Variants in ZNF385D observed in about 807,000 individuals in gnomAD.
ZNF385D encodes the protein zinc finger protein 659.
ZNF385D carries 15 observed loss-of-function variants against 35.8 expected under a neutral mutation model. That is an observed-to-expected ratio of 0.42 (90% CI 0.28 to 0.64). The LOEUF is 0.64. Ranked by LOEUF, ZNF385D falls within the 30% of genes least tolerant of loss-of-function variation. The pLI is 0.23. For synonymous variants in ZNF385D, 212 were observed against 186.8 expected (o/e 1.13, Z -1.10); for missense variants, 474 against 494.6 (o/e 0.96, Z 0.39).
chr3:22,190,577 G>A (rs1262811796), intron 2 of ZNF385D, among the ~76,000 whole-genome samples: 1 of 152,126 alleles, frequency 6.6e-6, no homozygotes, highest in South Asian at 2.1e-4. Context: ...GAAGGACAAG[G>A]TTATATAAAT....
chr3:22,036,863 T>TC (rs1208009942), intron 3 of ZNF385D, among the ~76,000 whole-genome samples: 1 of 53,492 alleles, frequency 1.9e-5, no homozygotes, highest in Non-Finnish European at 3.5e-5. Flanking sequence ...CCCTCCCCCC[T>TC]CCCCCCACCC....
chr3:22,137,287 T>C (rs1030904823), intron 3 of ZNF385D, among the ~76,000 whole-genome samples: 6 of 152,152 alleles, frequency 3.9e-5, no homozygotes, highest in South Asian at 2.1e-4. Flanking sequence ...TTCCAATCAA[T>C]AGAAAACGAG....
At chr3:21,920,516 A>G (rs549371797) in intron 3 of ZNF385D, among the ~76,000 whole-genome samples, 1 of 151,938 alleles carries the variant, frequency 6.6e-6, no homozygotes, top group Non-Finnish European at 1.5e-5. Flanking sequence ...TACAGATAGA[A>G]AGCTGTGAGT....
At chr3:22,038,943 A>T (rs1458272156) in intron 3 of ZNF385D, among the ~76,000 whole-genome samples, 1 of 150,446 alleles carries the variant, frequency 6.6e-6, no homozygotes, top group African/African-American at 2.4e-5. Flanking sequence ...AATAAATATG[A>T]TCAGGCATGA....
At chr3:21,895,233 TA>T (rs1201824758) in intron 3 of ZNF385D, among the ~76,000 whole-genome samples, 1 of 150,800 alleles carries the variant, frequency 6.6e-6, no homozygotes, top group African/African-American at 2.4e-5. Flanking sequence ...TTCAAAAAGA[TA>T]GGAGTCAGAA....
At chr3:22,114,946 C>T (rs962441146) in intron 3 of ZNF385D, among the ~76,000 whole-genome samples, 22 of 152,002 alleles carry the variant, frequency 1.4e-4, no homozygotes, top group Admixed American at 2.0e-4. Flanking sequence ...AGGGCCTCAA[C>T]AGACACTAAA....
At chr3:22,038,408 A>T (rs1293655365) in intron 3 of ZNF385D, among the ~76,000 whole-genome samples, 2 of 152,156 alleles carry the variant, frequency 1.3e-5, no homozygotes, top group East Asian at 3.9e-4. Flanking sequence ...TCTTGGCCTC[A>T]GTTACTTCAG....
chr3:21,630,386 G>T (rs1299085508), intron 2 of ZNF385D, among the ~76,000 whole-genome samples: 1 of 151,916 alleles, frequency 6.6e-6, no homozygotes, highest in African/African-American at 2.4e-5. Flanking sequence ...TGTATTTTTA[G>T]TAGAGACGGG....
intron 3 of ZNF385D, among the ~76,000 whole-genome samples, chr3:22,137,137 T>C (rs6776010): frequency 0.5 from 75,941 of 151,936 alleles, 19,613 homozygotes; most frequent in East Asian, 0.81. Flanking sequence ...GTATATAAGA[T>C]CTTTCTGTGT....
chr3:21,678,772 ATGATTC>A (rs2066808383), intron 1 of ZNF385D, among the ~76,000 whole-genome samples: 1 of 152,086 alleles, frequency 6.6e-6, no homozygotes, highest in Non-Finnish European at 1.5e-5. Context: ...ATTTTCCTGA[ATGATTC>A]TGATCTGTAC....
At chr3:21,701,566 C>A (rs1471412417) in intron 1 of ZNF385D, among the ~76,000 whole-genome samples, 1 of 152,120 alleles carries the variant, frequency 6.6e-6, no homozygotes, top group Non-Finnish European at 1.5e-5. Context: ...ACCAATCATG[C>A]CTTCCCAACA....
At chr3:22,335,558 T>A (rs1390440199) in intron 2 of ZNF385D, among the ~76,000 whole-genome samples, 1 of 152,158 alleles carries the variant, frequency 6.6e-6, no homozygotes, top group East Asian at 1.9e-4. Flanking sequence ...TTGAATACCC[T>A]CTTACAGAAA....
At chr3:21,734,343 T>C (rs868731036) in intron 1 of ZNF385D, among the ~76,000 whole-genome samples, 8 of 144,386 alleles carry the variant, frequency 5.5e-5, no homozygotes, top group Admixed American at 1.5e-4. Context: ...AATAATTACT[T>C]TTTGTAAAGA....
Position 21,452,680 on chromosome 3 carries a change from C to G in ZNF385D, c.440-15477G>C, listed in dbSNP as rs527618967. Reference sequence around the variant, plus strand: ...AAGTGTAAGACTTGTATACTGAAAACTATAAAACAATGTTGGAAAAAAATA... The same window carrying G: ...AAGTGTAAGACTTGTATACTGAAAAGTATAAAACAATGTTGGAAAAAAATA... On this transcript the variant is annotated intron_variant, in intron 4 of 7. Coordinates refer to ENST00000281523, the MANE Select transcript of ZNF385D (RefSeq NM_024697.3). Among the ~76,000 whole-genome samples the G allele has an allele frequency of 2.2e-4, 33 of 151,910 alleles. 2 individuals are homozygous for G. In the South Asian group the frequency reaches 6.0e-3, roughly 28 times the overall value.
chr3:21,794,470 G>A (rs1224914095), intron 3 of ZNF385D, among the ~76,000 whole-genome samples: 1 of 151,936 alleles, frequency 6.6e-6, no homozygotes. Flanking sequence ...CCATAGACTG[G>A]GTAGCTTATA....
chr3:22,027,167 T>C (rs575307156), intron 3 of ZNF385D, among the ~76,000 whole-genome samples: 1 of 152,330 alleles, frequency 6.6e-6, no homozygotes, highest in Admixed American at 6.5e-5. Flanking sequence ...GAAGGATAAG[T>C]TGCTGCATTT....
chr3:21,982,097 T>TTTA (rs1553712680), intron 3 of ZNF385D, among the ~76,000 whole-genome samples: 2 of 138,176 alleles, frequency 1.4e-5, no homozygotes, highest in African/African-American at 5.1e-5. Flanking sequence ...TTTTTTTTTT[T>TTTA]AATTCTGTGA....
At chr3:22,017,572 T>C (rs1346690180) in intron 3 of ZNF385D, among the ~76,000 whole-genome samples, 4 of 151,950 alleles carry the variant, frequency 2.6e-5, no homozygotes, top group Non-Finnish European at 4.4e-5. Context: ...TCTTCATTGC[T>C]TCCTTCCTTA....
At chr3:21,969,797 G>A (rs1400238645) in intron 3 of ZNF385D, among the ~76,000 whole-genome samples, 1 of 76,634 alleles carries the variant, frequency 1.3e-5, no homozygotes, top group Non-Finnish European at 2.5e-5. Flanking sequence ...AGTTCCAGTG[G>A]TGGTGGGTGG....
Sources: gnomAD v4.1 joint callset for allele counts (sites outside exome capture counted in the v4.1 genomes callset) on GRCh38, gnomAD v4.1.1 for gene constraint, MANE v1.5 for transcripts, NCBI Gene and HGNC (gene_info 2026-07-23, HGNC 2026-07-21) for gene names.